The following HSH2D variants were observed in gnomAD, a reference collection of about 807,000 sequenced individuals.
HSH2D encodes the protein hematopoietic SH2 domain containing, also known as hematopoietic SH2 domain-containing protein.
Under a neutral mutation model 21.5 loss-of-function variants are expected in HSH2D, and 16 were observed. The ratio of observed to expected loss-of-function variants is 0.74; its 90% CI spans 0.50 to 1.13. HSH2D has a LOEUF of 1.13. Ranked by LOEUF, HSH2D falls within the 50% of genes most tolerant of loss-of-function variation. The pLI is 0.00. For synonymous variants in HSH2D, 172 were observed against 184.7 expected (o/e 0.93, Z 0.56); for missense variants, 418 against 441.4 (o/e 0.95, Z 0.47).
At chr19:16,156,347 CAA>C (rs368133082) in intron 5 of HSH2D, among the ~76,000 whole-genome samples, 1 of 135,768 alleles carries the variant, frequency 7.4e-6, no homozygotes, top group Non-Finnish European at 1.6e-5. Context: ...AAGACCCTCT[CAA>C]AAAAAAAAAA....
upstream of HSH2D, chr19:16,141,925 AT>A (rs1477185192): frequency 6.6e-6 from 1 of 152,022 alleles, no homozygotes; most frequent in Non-Finnish European, 1.5e-5. Context: ...TCCAAAAAAA[AT>A]ATTTTTTTAA....
intron 5 of HSH2D, chr19:16,154,709 T>A (rs998778239): frequency 9.4e-6 from 4 of 424,230 alleles, no homozygotes; most frequent in Non-Finnish European, 1.7e-5. Context: ...CCAGCCCTGC[T>A]GCCATACCGT....
upstream of HSH2D, among the ~76,000 whole-genome samples, chr19:16,141,363 G>A (rs904541264): frequency 3.9e-5 from 6 of 152,182 alleles, no homozygotes; most frequent in African/African-American, 1.2e-4. Context: ...CCTTGGGGAG[G>A]CCCCCAGTAG....
At chr19:16,142,607 G>A (rs184304919), upstream of HSH2D, among the ~76,000 whole-genome samples, 460 of 152,208 alleles carry the variant, frequency 3.0e-3, 3 homozygotes, top group Non-Finnish European at 5.1e-3. Flanking sequence ...GGGATTACAG[G>A]CATGTGTCAC....
chr19:16,151,765 GAAAA>G (rs746775825), intron 2 of HSH2D, among the ~76,000 whole-genome samples: 1,534 of 61,200 alleles, frequency 0.025, 40 homozygotes, highest in African/African-American at 0.085. Flanking sequence ...TGCCACAGCT[GAAAA>G]AAAAAAAAAA....
intron 5 of HSH2D, among the ~76,000 whole-genome samples, chr19:16,156,661 A>C (rs568802455): frequency 6.6e-6 from 1 of 152,270 alleles, no homozygotes; most frequent in East Asian, 1.9e-4. Context: ...CAGCCTGCAA[A>C]GTTGAAATAT....
In HSH2D at chr19:16,144,838, G is replaced by T. The variant is rs541719332; in HGVS notation, c.-28+1064G>T. Among the ~76,000 whole-genome samples, 541 of 138,172 alleles carry T rather than the reference G, an allele frequency of 3.9e-3. 3 individuals carry two copies. Among genetic ancestry groups the T allele is most frequent in the African/African-American group, 0.014 (509 of 36,786 alleles). 90.6% of individuals were successfully genotyped at this position (138,172 alleles called of 152,430 possible). A position where few individuals can be genotyped will look rare whatever the true frequency, so the allele number is the denominator to read the frequency against. The stretch of plus-strand genomic sequence containing the variant: ...CTCCCAAGTAGCTGAGACTACAGGC[G>T]CCCGCCACCACACCCAGCTAATTTT... On this transcript the variant is annotated intron_variant, in intron 1 of 5. Coordinates refer to ENST00000613986, the MANE Select transcript of HSH2D (RefSeq NM_001382417.1).
chr19:16,148,726 G>A lies in HSH2D; in HGVS notation c.-25G>A, dbSNP rs892986005. On this transcript the variant is annotated splice_region_variant and 5_prime_UTR_variant, in exon 2 of 6. Coordinates refer to ENST00000613986, the MANE Select transcript of HSH2D (RefSeq NM_001382417.1). ...TCTTCCCTCCCTTCTCTACCCAGGTGACCTTCCCTCCACCCCAGGAAGCTA... is the reference window on the plus strand; with the variant it reads ...TCTTCCCTCCCTTCTCTACCCAGGTAACCTTCCCTCCACCCCAGGAAGCTA... The A allele has an allele frequency of 1.2e-6, 2 of 1,613,616 alleles. No individual in the cohort carries two copies. Among genetic ancestry groups the A allele is most frequent in the African/African-American group, 2.7e-5 (2 of 74,906 alleles).
At chr19:16,149,673 A>G (rs1435992395) in intron 2 of HSH2D, among the ~76,000 whole-genome samples, 1 of 144,706 alleles carries the variant, frequency 6.9e-6, no homozygotes, top group African/African-American at 2.6e-5. Context: ...TGCAGCCTCT[A>G]TCTCCTGGGT....
Position 16,157,289 on chromosome 19 carries a change from A to T in HSH2D, c.554A>T (p.Glu185Val). Residue 185 changes from glutamate (E) to valine (V), a missense_variant, in exon 6 of 6, where the codon GAA becomes GTA. By Grantham distance (121) the Glu-to-Val change is moderately radical. Transcript: ENST00000613986. The surrounding 1 kb of genome is among the most constrained non-coding windows in gnomAD (Gnocchi z 4.4). ...GAGATGAACAGAATAACCACCAAGG[A>T]AGCCACTTCCTCCTGCCCCCCAAAA... Reference protein sequence around the residue: ...SAEMNRITTKEATSSCPPKSP... With the variant: ...SAEMNRITTKVATSSCPPKSP... The T allele has an allele frequency of 6.2e-7, 1 of 1,611,290 alleles. No homozygotes were observed. The highest frequency in any genetic ancestry group is 8.5e-7 in the Non-Finnish European group (1 of 1,178,984).
intron 1 of HSH2D, 38 bp from the exon 2 acceptor site, chr19:16,148,686 C>A: frequency 1.3e-6 from 2 of 1,596,144 alleles, no homozygotes; most frequent in Non-Finnish European, 1.7e-6. Context: ...AGAGGTGCAT[C>A]AAGCTTGATT....
At chr19:16,137,097 C>T (rs1349077743) in intron 1 of HSH2D, among the ~76,000 whole-genome samples, 1 of 152,080 alleles carries the variant, frequency 6.6e-6, no homozygotes, top group Non-Finnish European at 1.5e-5. Context: ...CAGATGAGGC[C>T]GTTTCAATGG....
In HSH2D at chr19:16,157,630, T is replaced by G; in HGVS notation, c.895T>G (p.Cys299Gly). The change falls in exon 6 of 6, where the codon TGC becomes GGC. Residue 299 changes from cysteine to glycine, a missense_variant. Cys to Gly is a radical substitution (Grantham distance 159). Transcript: ENST00000613986. This position sits in a 1 kb window ranked among gnomAD's most constrained non-coding sequence, Gnocchi z 4.4. ...CAGGAAGGCCGAGAGGTCGGTCAGC[T>G]GCATTGAGGTGACCCCAGGGGACAG... ...PTRKAERSVS[C>G]IEVTPGDRSW... The G allele has an allele frequency of 6.2e-7, 1 of 1,613,748 alleles. No homozygotes were observed. Among genetic ancestry groups the G allele is most frequent in the Non-Finnish European group, 8.5e-7 (1 of 1,179,786 alleles).
intron 1 of HSH2D, among the ~76,000 whole-genome samples, chr19:16,147,587 A>G (rs932426727): frequency 1.3e-5 from 2 of 151,992 alleles, no homozygotes; most frequent in African/African-American, 4.8e-5. Context: ...TGTAAAAACT[A>G]TCAGGCACAT....
exon 1 of HSH2D, chr19:16,134,102 A>G (rs1291719864): frequency 1.3e-5 from 2 of 152,492 alleles, no homozygotes; most frequent in African/African-American, 4.8e-5. Flanking sequence ...AGCCAAGATC[A>G]CAGCAAAATC....
chr19:16,142,133 T>C (rs2091005189), upstream of HSH2D: 1 of 152,202 alleles, frequency 6.6e-6, no homozygotes, highest in South Asian at 2.1e-4. Flanking sequence ...TATTTTATAA[T>C]GGAGGAAGTC....
intron 2 of HSH2D, 41 bp from the exon 3 acceptor site, chr19:16,152,511 G>A (rs779569579): frequency 5.3e-6 from 7 of 1,308,938 alleles, no homozygotes; most frequent in South Asian, 3.4e-5. Flanking sequence ...TACGTGGGGC[G>A]GCTGGACTGT....
upstream of HSH2D, among the ~76,000 whole-genome samples, chr19:16,141,216 A>G (rs1231119084): frequency 6.6e-6 from 1 of 152,204 alleles, no homozygotes; most frequent in African/African-American, 2.4e-5. Context: ...GCAGGGCTCC[A>G]CGTGTCTCCT....
In HSH2D at chr19:16,148,915, C is replaced by T. The variant is rs549291943; in HGVS notation, c.125+40C>T. On this transcript the variant is annotated intron_variant, in intron 2 of 5. Transcript: ENST00000613986. ...ACACCCTCCACCCTGCCCTCCCCAC[C>T]CTGTCCTTGTCTGTCCCTACCCTGG... The T allele has an allele frequency of 1.3e-5, 21 of 1,573,128 alleles. No individual in the cohort carries two copies. The African/African-American group carries it at 2.0e-4, about 15-fold the overall frequency.
Sources: gnomAD v4.1 joint callset for allele counts (sites outside exome capture counted in the v4.1 genomes callset) on GRCh38, gnomAD v4.1.1 for gene constraint, Gnocchi (gnomAD v3.1) non-coding constraint, MANE v1.5 for transcripts, NCBI Gene and HGNC (gene_info 2026-07-23, HGNC 2026-07-21) for gene names.